The following BDNF variants were observed in gnomAD, a reference collection of about 807,000 sequenced individuals.
BDNF encodes the protein neurotrophic factor BDNF precursor form.
Under a neutral mutation model 19.5 loss-of-function variants are expected in BDNF, and 1 was observed. The observed-to-expected ratio is 0.05, with a 90% CI of 0.02 to 0.24. The LOEUF is 0.24. Among genes scored for constraint, BDNF ranks in the 10% least tolerant of loss-of-function variants. BDNF has a pLI of 1.00. For synonymous variants in BDNF, 100 were observed against 121.6 expected (o/e 0.82, Z 1.17); for missense variants, 195 against 317.6 (o/e 0.61, Z 2.93).
intron 1 of BDNF, among the ~76,000 whole-genome samples, chr11:27,695,954 G>GA (rs1858939573): frequency 6.6e-6 from 1 of 151,922 alleles, no homozygotes; most frequent in South Asian, 2.1e-4. Context: ...TTTTTCTACA[G>GA]AAAAGAGAAT....
chr11:27,657,580 C>A lies in BDNF; in HGVS notation c.*241G>T. On this transcript the variant is annotated 3_prime_UTR_variant, in exon 2 of 2. Coordinates refer to ENST00000356660, the MANE Select transcript of BDNF (RefSeq NM_001709.5). This position sits in a 1 kb window ranked among gnomAD's most constrained non-coding sequence, Gnocchi z 5.0. ...TTCAGTTCTTGGCAACGGCAACAAA[C>A]CACAACATTATCAAGGAATGTAATG... 2 of 1,289,960 alleles carry A rather than the reference C, an allele frequency of 1.6e-6. No homozygotes were observed. The highest frequency in any genetic ancestry group is 2.0e-6 in the Non-Finnish European group (2 of 1,019,278). The allele number at this position is 1,289,960 out of a possible 1,614,324, so 79.9% of individuals were successfully genotyped here.
chr11:27,659,224 T>G, intron 1 of BDNF: 1 of 994,214 alleles, frequency 1.0e-6, no homozygotes, highest in Non-Finnish European at 1.2e-6. Flanking sequence ...CATCCTGTTT[T>G]ACAGGTAAGG....
chr11:27,699,529 G>C lies in BDNF; in HGVS notation c.-22+635C>G, dbSNP rs550032235. On this transcript the variant is annotated intron_variant, in intron 1 of 1. Coordinates refer to ENST00000356660, the MANE Select transcript of BDNF (RefSeq NM_001709.5). ...GGGCGCAGGATGGGTAGAGATGTGGGTTCGGCCTGCCCGAGAGTGTCGCAG... is the reference window on the plus strand; with the variant it reads ...GGGCGCAGGATGGGTAGAGATGTGGCTTCGGCCTGCCCGAGAGTGTCGCAG... The C allele has an allele frequency of 1.4e-5, 23 of 1,603,150 alleles. No homozygotes were observed. In the African/African-American group the frequency reaches 1.9e-4, roughly 13 times the overall value.
intron 1 of BDNF, chr11:27,696,576 T>TTTGAGATCACAGAGCCTGCCA (rs1790426576): frequency 6.7e-6 from 1 of 150,062 alleles, no homozygotes; most frequent in South Asian, 2.1e-4. Context: ...CAATTCACAG[T>TTTGAGATCACAGAGCCTGCCA]TTGAGATCAC....
intron 1 of BDNF, among the ~76,000 whole-genome samples, chr11:27,711,613 A>G (rs1860333535): frequency 1.3e-5 from 2 of 152,206 alleles, no homozygotes; most frequent in African/African-American, 4.8e-5. Flanking sequence ...GGAACCAGAA[A>G]ACTTTGGGTT....
chr11:27,697,739 TA>T (rs1285996630), intron 1 of BDNF: 1 of 152,190 alleles, frequency 6.6e-6, no homozygotes, highest in African/African-American at 2.4e-5. Context: ...CTATACATGT[TA>T]AATGGTTTTA....
intron 1 of BDNF, among the ~76,000 whole-genome samples, chr11:27,712,932 T>TTC (rs1860394354): frequency 2.1e-5 from 3 of 142,570 alleles, no homozygotes; most frequent in East Asian, 2.2e-4. Context: ...TCTTTCTTTT[T>TTC]TTTTTTTTTT....
chr11:27,659,667 G>GCA (rs1853136917), intron 1 of BDNF: 1 of 997,808 alleles, frequency 1.0e-6, no homozygotes, highest in Non-Finnish European at 1.2e-6. Flanking sequence ...GCGTGTGCGC[G>GCA]CGCTCTGAGT....
In BDNF at chr11:27,685,383, G is replaced by A. The variant is rs774160903; in HGVS notation, c.-22+14781C>T. Among the ~76,000 whole-genome samples, 196 of 152,056 alleles carry A rather than the reference G, an allele frequency of 1.3e-3. 1 individual carries two copies. Among genetic ancestry groups the A allele is most frequent in the Middle Eastern group, 3.4e-3 (1 of 294 alleles). Reference sequence around the variant, plus strand: ...CACTGATTTTTTTGAAGGGTTTTTTGTGTCTCTAATCTCCTTCAGTTCTGC... The same window carrying A: ...CACTGATTTTTTTGAAGGGTTTTTTATGTCTCTAATCTCCTTCAGTTCTGC... On this transcript the variant is annotated intron_variant, in intron 1 of 1. Transcript: ENST00000356660.
intron 1 of BDNF, among the ~76,000 whole-genome samples, chr11:27,710,648 C>T (rs1032960998): frequency 5.3e-5 from 8 of 152,186 alleles, no homozygotes; most frequent in African/African-American, 1.9e-4. Context: ...TCTTCTTCTC[C>T]ATATCTGTAA....
chr11:27,664,861 C>T (rs1194657155), intron 1 of BDNF, among the ~76,000 whole-genome samples: 11 of 152,192 alleles, frequency 7.2e-5, no homozygotes, highest in Non-Finnish European at 1.5e-5. Flanking sequence ...CACATCGAAC[C>T]TTGCCCTCAT....
rs375987501 is a variant in BDNF, at chr11:27,666,088, G to T, written c.-21-7503C>A. Among the ~76,000 whole-genome samples the T allele has an allele frequency of 5.0e-4, 76 of 152,294 alleles. 2 individuals carry two copies. In the South Asian group the frequency reaches 0.016, roughly 32 times the overall value. ...ACGAAGCTTCCAGAGGAACAATCAG[G>T]GAGCAACATTTGCCGTTCTGCAATA... On this transcript the variant is annotated intron_variant, in intron 1 of 1. Transcript: ENST00000356660.
At chr11:27,670,780 GA>G (rs1225784477) in intron 1 of BDNF, among the ~76,000 whole-genome samples, 3 of 152,178 alleles carry the variant, frequency 2.0e-5, no homozygotes, top group Non-Finnish European at 1.5e-5. Flanking sequence ...AGGATGTAGA[GA>G]AATAGGAACA....
At chr11:27,664,219 C>G (rs1853936554) in intron 1 of BDNF, among the ~76,000 whole-genome samples, 2 of 152,062 alleles carry the variant, frequency 1.3e-5, no homozygotes, top group Admixed American at 1.3e-4. Context: ...TAAGAGTTGA[C>G]CTTAATGAAA....
At chr11:27,674,611 C>G in intron 1 of BDNF, 1 of 985,056 alleles carries the variant, frequency 1.0e-6, no homozygotes, top group South Asian at 4.7e-5. Flanking sequence ...ATATGGCTGG[C>G]CAGAAAATAT....
chr11:27,659,548 C>T, intron 1 of BDNF: 2 of 1,000,184 alleles, frequency 2.0e-6, no homozygotes, highest in East Asian at 1.1e-4. Flanking sequence ...CTCTAAAACC[C>T]TTCACTCCTT....
intron 1 of BDNF, among the ~76,000 whole-genome samples, chr11:27,680,949 C>T (rs1040646464): frequency 9.2e-5 from 14 of 152,214 alleles, no homozygotes; most frequent in African/African-American, 3.4e-4. Flanking sequence ...TGCAAGTGGT[C>T]CATTGCTTTG....
intron 1 of BDNF, among the ~76,000 whole-genome samples, chr11:27,685,066 T>C (rs181731991): frequency 1.5e-3 from 236 of 152,312 alleles, no homozygotes; most frequent in African/African-American, 5.6e-3. Context: ...AATTACTGCC[T>C]CGATTTCAGA....
Position 27,656,453 on chromosome 11 carries a change from C to G in BDNF, c.*1368G>C. 3 of 816,272 alleles carry G rather than the reference C, an allele frequency of 3.7e-6. No homozygotes were observed. Among genetic ancestry groups the G allele is most frequent in the Non-Finnish European group, 4.4e-6 (3 of 675,550 alleles). The allele number at this position is 816,272 out of a possible 1,614,324, so 50.6% of individuals were successfully genotyped here. On this transcript the variant is annotated 3_prime_UTR_variant, in exon 2 of 2. Coordinates refer to ENST00000356660, the MANE Select transcript of BDNF (RefSeq NM_001709.5). ...CCAAGCAGCTTGACACATGTCATTC[C>G]AGAGCCACCTCTGAAGGGTCCTTCA... is the stretch of plus-strand genomic sequence containing the variant.
Sources: allele counts gnomAD v4.1 joint callset (sites outside exome capture counted in the v4.1 genomes callset), GRCh38; gene constraint gnomAD v4.1.1; non-coding constraint Gnocchi (gnomAD v3.1); transcripts MANE v1.5; gene names NCBI Gene and HGNC (gene_info 2026-07-23, HGNC 2026-07-21).